The following NLK variants were observed in gnomAD, a reference collection of about 807,000 sequenced individuals.
NLK encodes the protein serine/threonine-protein kinase NLK.
NLK carries 11 observed loss-of-function variants against 59.0 expected under a neutral mutation model. The ratio of observed to expected loss-of-function variants is 0.19; its 90% CI spans 0.12 to 0.31. NLK has a LOEUF of 0.31. Ranked by LOEUF, NLK falls within the 10% of genes least tolerant of loss-of-function variation. The pLI, the probability that NLK is intolerant of heterozygous loss-of-function variation, is 1.00. For missense variants in NLK, 410 were observed against 661.1 expected (o/e 0.62, Z 4.16); for synonymous variants, 235 against 235.9 (o/e 1.00, Z 0.03).
intron 3 of NLK, among the ~76,000 whole-genome samples, chr17:28,147,798 G>A (rs1257468729): frequency 6.6e-6 from 1 of 152,064 alleles, no homozygotes; most frequent in African/African-American, 2.4e-5. Flanking sequence ...AAATTTTGTG[G>A]GAATCTAGCA....
intron 1 of NLK, among the ~76,000 whole-genome samples, chr17:28,111,472 T>G (rs937180083): frequency 1.1e-4 from 17 of 152,034 alleles, no homozygotes; most frequent in African/African-American, 1.9e-4. Context: ...ATCATGCCTG[T>G]CCAGAAACAG....
rs137882958 is a variant in NLK, at chr17:28,072,388, C to T, written c.458+29057C>T. ...TCACCCAGGCTGGAGTGCAGATGTG[C>T]GGTTACGGCTCACTGCAGCCTCCAC... On this transcript the variant is annotated intron_variant, in intron 1 of 10. Transcript: ENST00000407008. Among the ~76,000 whole-genome samples the T allele has an allele frequency of 6.6e-3, 969 of 146,108 alleles. 16 individuals carry two copies. Among genetic ancestry groups the T allele is most frequent in the African/African-American group, 0.023 (905 of 39,434 alleles).
intron 5 of NLK, 59 bp downstream of exon 5, chr17:28,163,687 GAAC>G: frequency 1.0e-6 from 1 of 1,000,982 alleles, no homozygotes; most frequent in Non-Finnish European, 1.5e-6. Context: ...GCAGGTTTAA[GAAC>G]AACATATTTT....
At position 28,089,964 on chromosome 17, in the gene NLK, A is replaced by G. The variant is rs557368482; in HGVS notation, c.459-32639A>G. Among the ~76,000 whole-genome samples the G allele has an allele frequency of 2.6e-5, 4 of 152,320 alleles. No individual in the cohort carries two copies. The South Asian group carries it at 8.3e-4, about 32-fold the overall frequency. ...CCTTTATCAGCAACATCATTTGCAA[A>G]TAAGTACTCCCAGTTTGTGGCTTGT... On this transcript the variant is annotated intron_variant, in intron 1 of 10. Coordinates refer to ENST00000407008, the MANE Select transcript of NLK (RefSeq NM_016231.5).
intron 3 of NLK, among the ~76,000 whole-genome samples, chr17:28,153,047 G>C (rs930613317): frequency 1.3e-5 from 2 of 151,968 alleles, no homozygotes; most frequent in African/African-American, 2.4e-5. Context: ...GCCAAGGCGG[G>C]CAGATCACCT....
At chr17:28,164,774 A>G (rs1250972036) in intron 5 of NLK, among the ~76,000 whole-genome samples, 1 of 152,328 alleles carries the variant, frequency 6.6e-6, no homozygotes, top group African/African-American at 2.4e-5. Context: ...TTTAAAAGTA[A>G]TCAAGACTAT....
chr17:28,180,477 T>C (rs1908861189), intron 7 of NLK, among the ~76,000 whole-genome samples: 1 of 152,104 alleles, frequency 6.6e-6, no homozygotes, highest in South Asian at 2.1e-4. Flanking sequence ...TGAGTAGCAA[T>C]GATGTTAGGA....
intron 1 of NLK, among the ~76,000 whole-genome samples, chr17:28,065,515 T>C (rs566940157): frequency 6.6e-6 from 1 of 152,326 alleles, no homozygotes; most frequent in African/African-American, 2.4e-5. Flanking sequence ...CTTGAGATTT[T>C]ATCTGAATCT....
chr17:28,043,852 T>C (rs1232060233), intron 1 of NLK, among the ~76,000 whole-genome samples: 1 of 152,242 alleles, frequency 6.6e-6, no homozygotes, highest in African/African-American at 2.4e-5. Context: ...CCAGTTAAGA[T>C]CATTGCTTGA....
chr17:28,119,306 T>C (rs1905916368), intron 1 of NLK, among the ~76,000 whole-genome samples: 1 of 152,228 alleles, frequency 6.6e-6, no homozygotes, highest in Admixed American at 6.5e-5. Context: ...TAGAGTTATA[T>C]TGTTGCCAGC....
intron 1 of NLK, among the ~76,000 whole-genome samples, chr17:28,054,094 C>G (rs772414709): frequency 2.0e-5 from 3 of 152,042 alleles, no homozygotes; most frequent in Non-Finnish European, 2.9e-5. Flanking sequence ...AATACAGATG[C>G]GGAGGAAATT....
chr17:28,168,109 G>C (rs948129035), intron 5 of NLK, among the ~76,000 whole-genome samples: 1 of 151,612 alleles, frequency 6.6e-6, no homozygotes, highest in African/African-American at 2.4e-5. Context: ...TGGATCACCT[G>C]AGGTCAGGAG....
At chr17:28,078,544 T>C (rs1296744311) in intron 1 of NLK, among the ~76,000 whole-genome samples, 1 of 152,188 alleles carries the variant, frequency 6.6e-6, no homozygotes, top group East Asian at 1.9e-4. Flanking sequence ...TCTGTCATTG[T>C]TATCTCTTTC....
At chr17:28,202,184 G>A in the NLK span, among the ~76,000 whole-genome samples, 42 of 152,262 alleles carry the variant, frequency 2.8e-4, no homozygotes, top group African/African-American at 1.0e-3. Context: ...ATTACTTGAA[G>A]CCAGGAGTTC....
downstream of NLK, among the ~76,000 whole-genome samples, chr17:28,198,792 A>G (rs1909548707): frequency 6.6e-6 from 1 of 152,224 alleles, no homozygotes; most frequent in Non-Finnish European, 1.5e-5. Context: ...TACAGGGACA[A>G]TTTGAAACAG....
At chr17:28,101,224 T>C (rs1296267424) in intron 1 of NLK, among the ~76,000 whole-genome samples, 2 of 152,212 alleles carry the variant, frequency 1.3e-5, no homozygotes, top group African/African-American at 4.8e-5. Context: ...TCATTCAACA[T>C]TGTTCTTCAA....
chr17:28,110,970 A>G (rs1597686735), intron 1 of NLK, among the ~76,000 whole-genome samples: 1 of 149,722 alleles, frequency 6.7e-6, no homozygotes, highest in African/African-American at 2.4e-5. Context: ...TCAGCCTCCC[A>G]AGTAGCTGGG....
intron 1 of NLK, among the ~76,000 whole-genome samples, chr17:28,109,174 A>G (rs908995328): frequency 2.0e-4 from 30 of 151,712 alleles, no homozygotes; most frequent in Admixed American, 7.9e-4. Flanking sequence ...TCGTCTCACA[A>G]AAGAAAAAAA....
chr17:28,069,481 C>A (rs1365971034), intron 1 of NLK, among the ~76,000 whole-genome samples: 3 of 152,196 alleles, frequency 2.0e-5, no homozygotes, highest in East Asian at 3.8e-4. Context: ...TCCAAAGTGG[C>A]TTTACCAGTT....
Sources: allele counts gnomAD v4.1 joint callset (sites outside exome capture counted in the v4.1 genomes callset), GRCh38; gene constraint gnomAD v4.1.1; transcripts MANE v1.5; gene names NCBI Gene and HGNC (gene_info 2026-07-23, HGNC 2026-07-21).